Variants in TMEM178B observed in about 807,000 individuals in gnomAD.
The protein encoded by TMEM178B is transmembrane protein 178B.
Under a neutral mutation model 31.0 loss-of-function variants are expected in TMEM178B, and 5 were observed. That is an observed-to-expected ratio of 0.16 (90% CI 0.08 to 0.34). The LOEUF is 0.34. Ranked by LOEUF, TMEM178B falls within the 10% of genes least tolerant of loss-of-function variation. The pLI is 1.00. For missense variants in TMEM178B, 275 were observed against 400.3 expected, an observed-to-expected ratio of 0.69 and a Z score of 2.67; for synonymous variants, 164 against 164.0, an observed-to-expected ratio of 1.00 and a Z score of 0.00.
intron 2 of TMEM178B, among the ~76,000 whole-genome samples, chr7:141,319,484 T>C (rs2366083): frequency 0.33 from 49,853 of 152,160 alleles, 10,394 homozygotes; most frequent in African/African-American, 0.58. Flanking sequence ...ATATAGAGGC[T>C]AACTTCTGAA....
chr7:141,104,027 C>A (rs1795100527), intron 1 of TMEM178B, among the ~76,000 whole-genome samples: 1 of 152,220 alleles, frequency 6.6e-6, no homozygotes, highest in African/African-American at 2.4e-5. Context: ...TTCTCACCTA[C>A]CCCCTGCCAT....
At position 141,195,846 on chromosome 7, in the gene TMEM178B, G is replaced by A. The variant is rs184979487; in HGVS notation, c.383-16745G>A. ...GCAGGAGGCGAAAGGCACTTCTTAC[G>A]TGGCAGCAGCAAGAGAAAATGAGGA... On this transcript the variant is annotated intron_variant, in intron 1 of 3. Transcript: ENST00000565468. Among the ~76,000 whole-genome samples the A allele has an allele frequency of 2.4e-3, 358 of 152,312 alleles. 4 individuals carry two copies. Among genetic ancestry groups the A allele is most frequent in the African/African-American group, 7.8e-3 (325 of 41,562 alleles).
chr7:141,501,238 T>C, the TMEM178B span, among the ~76,000 whole-genome samples: 2 of 151,690 alleles, frequency 1.3e-5, no homozygotes, highest in Non-Finnish European at 2.9e-5. Flanking sequence ...GGCGGTGCCC[T>C]TCCATGCTGT....
intron 2 of TMEM178B, among the ~76,000 whole-genome samples, chr7:141,307,741 G>A (rs566493604): frequency 6.6e-6 from 1 of 152,306 alleles, no homozygotes; most frequent in African/African-American, 2.4e-5. Context: ...TATTTTCTAG[G>A]AAACCAACCC....
intron 1 of TMEM178B, among the ~76,000 whole-genome samples, chr7:141,094,169 G>A (rs1794922185): frequency 6.6e-6 from 1 of 152,036 alleles, no homozygotes; most frequent in Non-Finnish European, 1.5e-5. Flanking sequence ...AAGTAGGAAG[G>A]AAGGTGGGAA....
At chr7:141,250,008 A>G (rs1797803862) in intron 2 of TMEM178B, among the ~76,000 whole-genome samples, 1 of 152,256 alleles carries the variant, frequency 6.6e-6, no homozygotes, top group South Asian at 2.1e-4. Flanking sequence ...CTTTTTAAAG[A>G]AATAAAACTC....
chr7:141,147,186 C>T (rs1488083299), intron 1 of TMEM178B, among the ~76,000 whole-genome samples: 1 of 152,136 alleles, frequency 6.6e-6, no homozygotes, highest in Non-Finnish European at 1.5e-5. Context: ...GTAAAACCAA[C>T]CTTTCTTCTT....
chr7:141,174,007 G>A (rs1377670703), intron 1 of TMEM178B, among the ~76,000 whole-genome samples: 1 of 152,172 alleles, frequency 6.6e-6, no homozygotes, highest in Non-Finnish European at 1.5e-5. Flanking sequence ...TGTGCAGAAT[G>A]TGCATGTTTG....
rs912755788 is a variant in TMEM178B at position 141,245,235 on chromosome 7, G to A, written c.496+32531G>A. ...AGAAGGATGCACAGGGGAGGTAGGA[G>A]GAGAGCCAAGAAACATCATGTTAAG... On this transcript the variant is annotated intron_variant, in intron 2 of 3. Coordinates refer to ENST00000565468, the MANE Select transcript of TMEM178B (RefSeq NM_001195278.2). Among the ~76,000 whole-genome samples the A allele has an allele frequency of 2.1e-5, 3 of 143,558 alleles. No homozygotes were observed. In the Admixed American group the frequency reaches 2.1e-4, roughly 10 times the overall value. 94.2% of individuals were successfully genotyped at this position (143,558 alleles called of 152,430 possible).
In TMEM178B at chr7:141,471,420, G is replaced by A. The variant is rs1326875166; in HGVS notation, c.*634G>A. The A allele has an allele frequency of 2.0e-5, 3 of 152,164 alleles. No homozygotes were observed. Among genetic ancestry groups the A allele is most frequent in the Non-Finnish European group, 2.9e-5 (2 of 68,060 alleles). The allele number at this position is 152,164 out of a possible 1,614,324, so 9.4% of individuals were successfully genotyped here. The stretch of plus-strand genomic sequence containing the variant: ...GCTGAGAGGCAAGATCTGCATCAAT[G>A]AAAGGACGCTTCGGTGGATGCTCAG... On this transcript the variant is annotated 3_prime_UTR_variant, in exon 4 of 4. Transcript: ENST00000565468. This position sits in a 1 kb window ranked among gnomAD's most constrained non-coding sequence, Gnocchi z 4.1.
intron 1 of TMEM178B, among the ~76,000 whole-genome samples, chr7:141,168,873 T>C (rs777555960): frequency 9.2e-5 from 14 of 152,220 alleles, no homozygotes; most frequent in Non-Finnish European, 1.8e-4. Flanking sequence ...TTGTATGTAT[T>C]TATGGGATAC....
At chr7:141,247,905 A>G (rs1450184483) in intron 2 of TMEM178B, among the ~76,000 whole-genome samples, 2 of 152,080 alleles carry the variant, frequency 1.3e-5, no homozygotes, top group East Asian at 3.9e-4. Context: ...GGCAACCTTA[A>G]TTAATTGGGG....
chr7:141,337,272 C>A (rs905103683), intron 2 of TMEM178B, among the ~76,000 whole-genome samples: 1 of 141,586 alleles, frequency 7.1e-6, no homozygotes, highest in African/African-American at 2.7e-5. Flanking sequence ...CCACCACCAC[C>A]ATCACCACTA....
At chr7:141,448,123 G>T (rs976661221) in intron 3 of TMEM178B, among the ~76,000 whole-genome samples, 5 of 151,914 alleles carry the variant, frequency 3.3e-5, no homozygotes, top group Non-Finnish European at 7.4e-5. Flanking sequence ...ATCACACAAA[G>T]CATGTGTGCC....
In TMEM178B at chr7:141,476,929, G is replaced by A. The variant is rs1320214598; in HGVS notation, c.*6143G>A. The A allele has an allele frequency of 6.5e-6, 1 of 154,848 alleles. No homozygotes were observed. The highest frequency in any genetic ancestry group is 2.4e-5 in the African/African-American group (1 of 41,530). 9.6% of individuals were successfully genotyped at this position (154,848 alleles called of 1,614,324 possible). A position where few individuals can be genotyped will look rare whatever the true frequency, so the allele number is the denominator to read the frequency against. ...AGAAAACTGGGTCTGAACATGAAGA[G>A]TTGCACAGCAGTAGTTCGAAGAAGC... is the stretch of plus-strand genomic sequence containing the variant. On this transcript the variant is annotated 3_prime_UTR_variant, in exon 4 of 4. Coordinates refer to ENST00000565468, the MANE Select transcript of TMEM178B (RefSeq NM_001195278.2).
intron 1 of TMEM178B, among the ~76,000 whole-genome samples, chr7:141,091,819 C>T (rs183925704): frequency 3.1e-4 from 47 of 152,230 alleles, no homozygotes; most frequent in Middle Eastern, 3.4e-3. Context: ...CCTCTGCCTC[C>T]CAGGCTCAAG....
At chr7:141,261,904 C>T (rs925931778) in intron 2 of TMEM178B, among the ~76,000 whole-genome samples, 1 of 152,142 alleles carries the variant, frequency 6.6e-6, no homozygotes, top group Admixed American at 6.5e-5. Context: ...CTGGAAGGAA[C>T]CTTGCTAGGC....
intron 2 of TMEM178B, among the ~76,000 whole-genome samples, chr7:141,225,752 G>A (rs532304909): frequency 6.6e-6 from 1 of 152,228 alleles, no homozygotes; most frequent in African/African-American, 2.4e-5. Context: ...CTCCCATGAT[G>A]AACGTTCAGA....
intron 3 of TMEM178B, among the ~76,000 whole-genome samples, chr7:141,459,008 T>G (rs1266971249): frequency 1.3e-5 from 2 of 151,466 alleles, no homozygotes; most frequent in Non-Finnish European, 2.9e-5. Flanking sequence ...GATTTCAATG[T>G]TTTTTTGGTT....
Sources: allele counts gnomAD v4.1 joint callset (sites outside exome capture counted in the v4.1 genomes callset), GRCh38; gene constraint gnomAD v4.1.1; non-coding constraint Gnocchi (gnomAD v3.1); transcripts MANE v1.5; gene names NCBI Gene and HGNC (gene_info 2026-07-23, HGNC 2026-07-21).